The following FKBP5 variants were observed in gnomAD, a reference collection of about 807,000 sequenced individuals.
FKBP5 encodes the protein peptidyl-prolyl cis-trans isomerase FKBP5.
FKBP5 carries 23 observed loss-of-function variants against 50.5 expected under a neutral mutation model. The observed-to-expected ratio is 0.46, with a 90% confidence interval of 0.33 to 0.65. The LOEUF is 0.65. Ranked by LOEUF, FKBP5 falls within the 30% of genes least tolerant of loss-of-function variation. The pLI is 0.02. For missense variants in FKBP5, 411 were observed against 553.1 expected (o/e 0.74, Z 2.58); for synonymous variants, 176 against 190.6 (o/e 0.92, Z 0.63).
chr6:35,693,665 C>A (rs114191749), upstream of FKBP5, among the ~76,000 whole-genome samples: 10 of 151,554 alleles, frequency 6.6e-5, no homozygotes, highest in Non-Finnish European at 1.5e-4. Context: ...GATTACAAGG[C>A]ACATGCCACC....
chr6:35,705,690 A>C lies in FKBP5; in HGVS notation c.-20+14638T>G, dbSNP rs926086636. The stretch of plus-strand genomic sequence containing the variant: ...AGTATTCAGTACTAATGGTGGAAAA[A>C]CTGATTAGCTATCTGGGGGTGAGGA... On this transcript the variant is annotated intron_variant, in intron 2 of 11. Transcript: ENST00000536438. 3.3e-5 allele frequency among the ~76,000 whole-genome samples: 5 copies of C among 152,190 alleles called. No individual in the cohort carries two copies. The South Asian group carries it at 8.3e-4, about 25-fold the overall frequency.
intron 5 of FKBP5, 86 bp from the exon 6 acceptor site, chr6:35,597,490 G>A (rs1763013045): frequency 1.4e-6 from 2 of 1,426,294 alleles, no homozygotes; most frequent in Non-Finnish European, 9.5e-7. Context: ...GGTCGACAAT[G>A]TAGCAAATAC....
chr6:35,581,878 G>A (rs371950823), intron 8 of FKBP5: 2 of 985,504 alleles, frequency 2.0e-6, no homozygotes, highest in Non-Finnish European at 2.4e-6. Context: ...CCCAAGCAGC[G>A]CGTACATCTC....
intron 2 of FKBP5, among the ~76,000 whole-genome samples, chr6:35,707,040 T>C (rs1330901525): frequency 6.6e-6 from 1 of 152,160 alleles, no homozygotes. Context: ...AGTGGAACTT[T>C]ATGGAAAGAT....
At chr6:35,663,842 A>G (rs962554802) in intron 1 of FKBP5, among the ~76,000 whole-genome samples, 5 of 152,220 alleles carry the variant, frequency 3.3e-5, no homozygotes, top group African/African-American at 1.2e-4. Context: ...TATTTATAGT[A>G]TTTGTATACT....
chr6:35,628,761 C>T (rs973152101), intron 3 of FKBP5, among the ~76,000 whole-genome samples: 1 of 152,140 alleles, frequency 6.6e-6, no homozygotes, highest in Non-Finnish European at 1.5e-5. Context: ...CTCTGTCGCC[C>T]AGGCTGGAGT....
intron 1 of FKBP5, among the ~76,000 whole-genome samples, chr6:35,688,187 G>A (rs896380425): frequency 3.9e-5 from 6 of 152,230 alleles, no homozygotes; most frequent in African/African-American, 1.4e-4. Context: ...GTGAAGGCGG[G>A]GACCGCCCGT....
intron 1 of FKBP5, among the ~76,000 whole-genome samples, chr6:35,680,887 T>C (rs1250138659): frequency 6.6e-6 from 1 of 152,240 alleles, no homozygotes; most frequent in Non-Finnish European, 1.5e-5. Context: ...TAGGTTTCAG[T>C]CACATTCCCT....
intron 10 of FKBP5, among the ~76,000 whole-genome samples, chr6:35,576,234 G>T (rs1227070785): frequency 1.3e-5 from 2 of 152,082 alleles, no homozygotes; most frequent in East Asian, 3.9e-4. Context: ...TCTGCAGACA[G>T]ACCTCTCCTG....
chr6:35,617,853 T>G (rs1763708048), intron 5 of FKBP5, among the ~76,000 whole-genome samples: 1 of 152,196 alleles, frequency 6.6e-6, no homozygotes, highest in Admixed American at 6.5e-5. Context: ...GGAAGAAGAG[T>G]TAGCTATCTC....
Position 35,660,055 on chromosome 6 carries a change from A to G in FKBP5, c.-19-17212T>C, listed in dbSNP as rs1380084370. Reference sequence around the variant, plus strand: ...AACATTTGCATTAACCACAACCCACATATTCTGATATGATTTTCATTAAGT... The same window carrying G: ...AACATTTGCATTAACCACAACCCACGTATTCTGATATGATTTTCATTAAGT... On this transcript the variant is annotated intron_variant, in intron 1 of 10. Transcript: ENST00000357266. Among the ~76,000 whole-genome samples the G allele has an allele frequency of 2.4e-5, 2 of 83,862 alleles. 1 individual carries two copies. Among genetic ancestry groups the G allele is most frequent in the Non-Finnish European group, 5.5e-5 (2 of 36,614 alleles). 55.0% of individuals were successfully genotyped at this position (83,862 alleles called of 152,430 possible).
intron 1 of FKBP5, among the ~76,000 whole-genome samples, chr6:35,644,083 TG>T (rs1764565956): frequency 2.0e-5 from 3 of 152,232 alleles, no homozygotes; most frequent in Admixed American, 1.3e-4. Flanking sequence ...TCTTCTGAAG[TG>T]GTATAATGTG....
chr6:35,579,580 TTTCATA>T (rs1272861096), intron 9 of FKBP5, among the ~76,000 whole-genome samples: 1 of 152,212 alleles, frequency 6.6e-6, no homozygotes, highest in Non-Finnish European at 1.5e-5. Context: ...TCTGTGGACC[TTTCATA>T]TTATTTATGC....
rs1165750180 is a variant in FKBP5, at chr6:35,709,195, G to A, written c.-20+11133C>T. On this transcript the variant is annotated intron_variant, in intron 2 of 11. Transcript: ENST00000536438. ...CAAATCACATCTTACGTGGATATTG[G>A]CAGGCGAAGAGTGCTTGCACGGGAA... Among the ~76,000 whole-genome samples the A allele has an allele frequency of 5.9e-5, 9 of 152,242 alleles. No homozygotes were observed. The East Asian group carries it at 1.5e-3, about 26-fold the overall frequency.
At chr6:35,613,238 G>A (rs995444901) in intron 5 of FKBP5, among the ~76,000 whole-genome samples, 4 of 151,760 alleles carry the variant, frequency 2.6e-5, no homozygotes, top group Admixed American at 6.6e-5. Flanking sequence ...TTTTTGAGAC[G>A]GAGTTTCCCT....
chr6:35,719,717 C>G (rs1229623960), intron 2 of FKBP5, among the ~76,000 whole-genome samples: 2 of 152,198 alleles, frequency 1.3e-5, no homozygotes, highest in African/African-American at 2.4e-5. Context: ...TTCCCGGATT[C>G]ATGGAAACAC....
At chr6:35,639,437 T>A (rs1306673836) in intron 2 of FKBP5, among the ~76,000 whole-genome samples, 1 of 152,130 alleles carries the variant, frequency 6.6e-6, no homozygotes, top group Non-Finnish European at 1.5e-5. Flanking sequence ...CCTAAAAATC[T>A]TGCAATTAGA....
chr6:35,705,134 C>T (rs1766268819), intron 2 of FKBP5, among the ~76,000 whole-genome samples: 1 of 148,852 alleles, frequency 6.7e-6, no homozygotes, highest in Non-Finnish European at 1.5e-5. Flanking sequence ...GAGCAAGACT[C>T]CGTCTCAAAA....
At chr6:35,589,092 T>TTA (rs201093603) in intron 7 of FKBP5, among the ~76,000 whole-genome samples, 440 of 135,954 alleles carry the variant, frequency 3.2e-3, no homozygotes, top group Non-Finnish European at 4.0e-3. Flanking sequence ...ATATATATTT[T>TTA]TATATATATA....
Sources: gnomAD v4.1 joint callset for allele counts (sites outside exome capture counted in the v4.1 genomes callset) on GRCh38, gnomAD v4.1.1 for gene constraint, MANE v1.5 for transcripts, NCBI Gene and HGNC (gene_info 2026-07-23, HGNC 2026-07-21) for gene names.